The following CNTNAP2 variants were observed in gnomAD, a reference collection of about 807,000 sequenced individuals.
CNTNAP2 encodes the protein contactin associated protein 2, also known as contactin-associated protein-like 2.
CNTNAP2 carries 98 observed loss-of-function variants against 155.2 expected under a neutral mutation model. The ratio of observed to expected loss-of-function variants is 0.63; its 90% CI spans 0.54 to 0.75. The LOEUF (loss-of-function observed/expected upper bound fraction) is 0.75. Among genes scored for constraint, CNTNAP2 ranks in the 30% least tolerant of loss-of-function variants. The pLI, the probability that CNTNAP2 is intolerant of heterozygous loss-of-function variation, is 0.00. For missense variants in CNTNAP2, 1,727 were observed against 1,688.1 expected, an observed-to-expected ratio of 1.02 and a Z score of -0.40; for synonymous variants, 651 against 631.2, an observed-to-expected ratio of 1.03 and a Z score of -0.47.
At chr7:146,980,191 T>A (rs1165405346) in intron 3 of CNTNAP2, among the ~76,000 whole-genome samples, 1 of 151,764 alleles carries the variant, frequency 6.6e-6, no homozygotes, top group African/African-American at 2.4e-5. Flanking sequence ...GATAGGGGGA[T>A]GTGGTAATGT....
At chr7:146,367,553 G>A (rs1228215978) in intron 1 of CNTNAP2, among the ~76,000 whole-genome samples, 5 of 152,064 alleles carry the variant, frequency 3.3e-5, no homozygotes, top group African/African-American at 1.2e-4. Context: ...GATAAAACAA[G>A]CACATACATT....
intron 19 of CNTNAP2, among the ~76,000 whole-genome samples, chr7:148,219,889 C>A (rs772802611): frequency 6.6e-6 from 1 of 152,028 alleles, no homozygotes; most frequent in Non-Finnish European, 1.5e-5. Context: ...AAAAGGAGAT[C>A]AAGATTTTTC....
In CNTNAP2 at chr7:147,822,330, CTG is replaced by C. The variant is rs1317885712; in HGVS notation, c.2099-81229_2099-81228del. Reference sequence around the variant, plus strand: ...GTTGTGTATATCCAGGCTGGCATATCTGTGTGTTGGTTTAGCAAATACATATC... The same window carrying C: ...GTTGTGTATATCCAGGCTGGCATATCTGTGTTGGTTTAGCAAATACATATC... On this transcript the variant is annotated intron_variant, in intron 13 of 23. Coordinates refer to ENST00000361727, the MANE Select transcript of CNTNAP2 (RefSeq NM_014141.6). 1.8e-4 allele frequency among the ~76,000 whole-genome samples: 27 copies of C among 152,286 alleles called. No homozygotes were observed. The East Asian group carries it at 5.2e-3, about 29-fold the overall frequency.
intron 4 of CNTNAP2, among the ~76,000 whole-genome samples, chr7:147,063,275 G>A (rs1230965081): frequency 6.6e-6 from 1 of 152,110 alleles, no homozygotes; most frequent in Non-Finnish European, 1.5e-5. Context: ...TGAGCATTTT[G>A]CCTTGCATGT....
At chr7:147,433,777 G>A (rs1272163850) in intron 10 of CNTNAP2, among the ~76,000 whole-genome samples, 1 of 152,146 alleles carries the variant, frequency 6.6e-6, no homozygotes, top group Non-Finnish European at 1.5e-5. Context: ...GGAACTCTGT[G>A]AATGTCTAAA....
chr7:147,619,408 G>A (rs1391840744), intron 12 of CNTNAP2, among the ~76,000 whole-genome samples: 1 of 152,150 alleles, frequency 6.6e-6, no homozygotes, highest in African/African-American at 2.4e-5. Context: ...ATGAAAAATT[G>A]TTCATATCCA....
At chr7:146,856,635 C>T (rs945898125) in intron 3 of CNTNAP2, among the ~76,000 whole-genome samples, 3 of 152,128 alleles carry the variant, frequency 2.0e-5, no homozygotes, top group African/African-American at 7.2e-5. Flanking sequence ...AGAAATTAAA[C>T]ATCTTGAGTG....
intron 4 of CNTNAP2, among the ~76,000 whole-genome samples, chr7:147,056,010 A>C (rs1270081349): frequency 6.6e-6 from 1 of 152,204 alleles, no homozygotes; most frequent in Admixed American, 6.5e-5. Context: ...ACAATTATTA[A>C]TAATCTTTGG....
At chr7:147,137,020 T>G (rs530961634) in intron 8 of CNTNAP2, among the ~76,000 whole-genome samples, 1 of 151,862 alleles carries the variant, frequency 6.6e-6, no homozygotes, top group South Asian at 2.1e-4. Context: ...TAAACCATAT[T>G]TATTAGAAGC....
chr7:148,218,394 T>C (rs1188532102), intron 19 of CNTNAP2, among the ~76,000 whole-genome samples: 3 of 152,144 alleles, frequency 2.0e-5, no homozygotes, highest in East Asian at 3.9e-4. Context: ...AGCAGGAGTT[T>C]ATTTTAATTT....
At chr7:147,314,529 G>A (rs750391550) in intron 9 of CNTNAP2, among the ~76,000 whole-genome samples, 13 of 150,990 alleles carry the variant, frequency 8.6e-5, no homozygotes, top group Admixed American at 1.3e-4. Flanking sequence ...TCTGTTTTTA[G>A]ACACCCTTAT....
intron 1 of CNTNAP2, among the ~76,000 whole-genome samples, chr7:146,629,921 G>T (rs1340914340): frequency 3.9e-5 from 6 of 151,962 alleles, no homozygotes; most frequent in African/African-American, 1.4e-4. Context: ...TTAGGATGGG[G>T]TATACACTGG....
At chr7:146,738,992 G>A (rs1420429359) in intron 1 of CNTNAP2, among the ~76,000 whole-genome samples, 3 of 151,464 alleles carry the variant, frequency 2.0e-5, no homozygotes, top group Non-Finnish European at 4.4e-5. Context: ...ATAACGTCTC[G>A]TCTCTTTGTT....
intron 1 of CNTNAP2, among the ~76,000 whole-genome samples, chr7:146,365,380 CT>C (rs747384959): frequency 6.6e-6 from 1 of 152,098 alleles, no homozygotes; most frequent in Non-Finnish European, 1.5e-5. Flanking sequence ...TCCCTTTTTC[CT>C]TTTCATTCCC....
intron 12 of CNTNAP2, among the ~76,000 whole-genome samples, chr7:147,619,611 A>G (rs2116890249): frequency 6.6e-6 from 1 of 152,338 alleles, no homozygotes; most frequent in African/African-American, 2.4e-5. Flanking sequence ...AGGAGAGAGA[A>G]GAGTGGGAAG....
chr7:147,631,518 G>A (rs1795085184), intron 12 of CNTNAP2, among the ~76,000 whole-genome samples: 1 of 152,046 alleles, frequency 6.6e-6, no homozygotes, highest in Non-Finnish European at 1.5e-5. Flanking sequence ...AGCCTGCATA[G>A]CCAAAGCAAG....
intron 10 of CNTNAP2, among the ~76,000 whole-genome samples, chr7:147,441,853 C>CTCCT (rs1797645462): frequency 1.8e-5 from 2 of 108,350 alleles, no homozygotes; most frequent in African/African-American, 7.2e-5. Context: ...CTCTCTCTCC[C>CTCCT]TCCCTCCCTC....
intron 8 of CNTNAP2, among the ~76,000 whole-genome samples, chr7:147,265,534 G>T (rs965693619): frequency 6.6e-6 from 1 of 152,164 alleles, no homozygotes; most frequent in African/African-American, 2.4e-5. Context: ...CTAGTGGGAG[G>T]GGCAGCTGTG....
At chr7:146,392,978 A>G (rs2058377) in intron 1 of CNTNAP2, among the ~76,000 whole-genome samples, 56,550 of 152,022 alleles carry the variant, frequency 0.37, 11,389 homozygotes, top group African/African-American at 0.51. Flanking sequence ...AGTGCTACTG[A>G]CAACTGTGGT....
Sources: gnomAD v4.1 joint callset for allele counts (sites outside exome capture counted in the v4.1 genomes callset) on GRCh38, gnomAD v4.1.1 for gene constraint, MANE v1.5 for transcripts, NCBI Gene and HGNC (gene_info 2026-07-23, HGNC 2026-07-21) for gene names.